Variants in VPS13B observed in about 807,000 individuals in gnomAD.
VPS13B encodes the protein vacuolar protein sorting 13 homolog B.
VPS13B carries 285 observed loss-of-function variants against 426.4 expected under a neutral mutation model. That is an observed-to-expected ratio of 0.67 (90% CI 0.61 to 0.74). The LOEUF (loss-of-function observed/expected upper bound fraction) is 0.74, where lower values mean the gene tolerates loss of function less well. Among genes scored for constraint, VPS13B ranks in the 30% least tolerant of loss-of-function variants. The pLI is 0.00. For missense variants in VPS13B, 4,537 were observed against 4,782.6 expected (o/e 0.95, Z 1.51); for synonymous variants, 1,676 against 1,676.4 (o/e 1.00, Z 0.01).
At chr8:99,691,019 G>C (rs1831630392) in intron 35 of VPS13B, among the ~76,000 whole-genome samples, 1 of 152,122 alleles carries the variant, frequency 6.6e-6, no homozygotes, top group Non-Finnish European at 1.5e-5. Flanking sequence ...TTGTAATACT[G>C]TTCAGCCACA....
intron 21 of VPS13B, among the ~76,000 whole-genome samples, chr8:99,428,289 G>A (rs553901672): frequency 6.6e-6 from 1 of 152,128 alleles, no homozygotes; most frequent in African/African-American, 2.4e-5. Context: ...TGACAAATGG[G>A]ATCTAATTAA....
chr8:99,181,896 A>G (rs1812964843), intron 16 of VPS13B, among the ~76,000 whole-genome samples: 1 of 152,154 alleles, frequency 6.6e-6, no homozygotes, highest in African/African-American at 2.4e-5. Context: ...AACATCTGAA[A>G]AAATTATTGT....
intron 34 of VPS13B, among the ~76,000 whole-genome samples, chr8:99,660,814 C>T (rs1830192738): frequency 6.6e-6 from 1 of 151,894 alleles, no homozygotes; most frequent in South Asian, 2.1e-4. Flanking sequence ...AAGAGACTGA[C>T]CAATTTTATC....
intron 31 of VPS13B, among the ~76,000 whole-genome samples, chr8:99,575,164 T>A (rs1169953952): frequency 1.3e-5 from 2 of 151,718 alleles, no homozygotes; most frequent in African/African-American, 4.8e-5. Context: ...AGACCTTGTC[T>A]TAAAAAAAAA....
chr8:99,504,880 C>T (rs980556413), intron 27 of VPS13B, among the ~76,000 whole-genome samples: 3 of 152,172 alleles, frequency 2.0e-5, no homozygotes, highest in African/African-American at 7.2e-5. Flanking sequence ...CATCTTCTTC[C>T]AAGAGAAGGC....
chr8:99,559,781 C>A (rs1203087519), intron 31 of VPS13B, among the ~76,000 whole-genome samples: 1 of 152,126 alleles, frequency 6.6e-6, no homozygotes, highest in Non-Finnish European at 1.5e-5. Context: ...TGTTTTGGTA[C>A]CAGTACCATG....
rs527783853 is a variant in VPS13B, at chr8:99,162,186, T to C, written c.2208+5443T>C. Among the ~76,000 whole-genome samples the C allele has an allele frequency of 7.2e-5, 11 of 152,292 alleles. No homozygotes were observed. The South Asian group carries it at 1.9e-3, about 26-fold the overall frequency. On this transcript the variant is annotated intron_variant, in intron 15 of 61. Coordinates refer to ENST00000357162, the MANE Select transcript of VPS13B (RefSeq NM_152564.5). ...ATACGGCTATTGTGATGTGACTCCA[T>C]TTACCAGTTTGCTATAAAGTTTATA...
intron 36 of VPS13B, among the ~76,000 whole-genome samples, chr8:99,704,335 C>T (rs546921019): frequency 4.6e-5 from 7 of 152,134 alleles, no homozygotes. Flanking sequence ...AAAAGTGAAA[C>T]CAGGTCATTA....
intron 44 of VPS13B, among the ~76,000 whole-genome samples, chr8:99,813,142 C>T (rs1488581349): frequency 6.6e-6 from 1 of 152,228 alleles, no homozygotes; most frequent in Non-Finnish European, 1.5e-5. Context: ...AAGCACACTA[C>T]TCCACTGAGT....
intron 12 of VPS13B, among the ~76,000 whole-genome samples, chr8:99,137,334 A>G (rs754342813): frequency 6.6e-6 from 1 of 151,938 alleles, no homozygotes; most frequent in Non-Finnish European, 1.5e-5. Flanking sequence ...AAATAGGTTC[A>G]CAGTTTTTTT....
chr8:99,238,144 A>G (rs1816737573), intron 17 of VPS13B, among the ~76,000 whole-genome samples: 1 of 152,144 alleles, frequency 6.6e-6, no homozygotes, highest in Non-Finnish European at 1.5e-5. Context: ...AGACCAGGAT[A>G]GGGGTCCCTT....
At chr8:99,454,525 C>A (rs899253583) in intron 23 of VPS13B, among the ~76,000 whole-genome samples, 3 of 152,096 alleles carry the variant, frequency 2.0e-5, no homozygotes, top group Non-Finnish European at 2.9e-5. Context: ...TAGAGTTTAT[C>A]CATTCATGTG....
At position 99,486,350 on chromosome 8, in the gene VPS13B, T is replaced by C. The variant is rs184845016; in HGVS notation, c.3870+4548T>C. On this transcript the variant is annotated intron_variant, in intron 25 of 61. Transcript: ENST00000357162. ...AAGCGATTCTCCTGCCTCAGCCTCC[T>C]GAGTAGCTGGGATTACAGGCGCCTG... is the stretch of plus-strand genomic sequence containing the variant. Among the ~76,000 whole-genome samples the C allele has an allele frequency of 4.8e-3, 724 of 152,080 alleles. 4 individuals carry two copies. The highest frequency in any genetic ancestry group is 0.014 in the African/African-American group (597 of 41,492).
At chr8:99,360,769 T>C (rs1484992037) in intron 19 of VPS13B, among the ~76,000 whole-genome samples, 1 of 152,172 alleles carries the variant, frequency 6.6e-6, no homozygotes, top group East Asian at 1.9e-4. Context: ...CTGACAGAAG[T>C]AAGGGAATTA....
intron 16 of VPS13B, among the ~76,000 whole-genome samples, chr8:99,181,377 T>G (rs1435726732): frequency 6.6e-6 from 1 of 152,182 alleles, no homozygotes; most frequent in African/African-American, 2.4e-5. Context: ...GATGGTGTTA[T>G]GTGAGTGGTA....
At chr8:99,524,999 T>A (rs1001311764) in intron 30 of VPS13B, among the ~76,000 whole-genome samples, 7 of 152,180 alleles carry the variant, frequency 4.6e-5, no homozygotes. Context: ...GCTAAAGGAT[T>A]TCATCAACAT....
chr8:99,093,696 A>G (rs1313353030), intron 3 of VPS13B, among the ~76,000 whole-genome samples: 3 of 152,100 alleles, frequency 2.0e-5, no homozygotes, highest in Non-Finnish European at 4.4e-5. Flanking sequence ...ATGTCCCTAC[A>G]AAGGACATGA....
chr8:99,445,688 T>C (rs910682364), intron 23 of VPS13B, among the ~76,000 whole-genome samples: 4 of 152,054 alleles, frequency 2.6e-5, no homozygotes. Context: ...TTAAGATGCA[T>C]ATTTAATTTA....
intron 33 of VPS13B, among the ~76,000 whole-genome samples, chr8:99,584,738 G>C (rs1471257922): frequency 6.6e-6 from 1 of 152,168 alleles, no homozygotes; most frequent in African/African-American, 2.4e-5. Context: ...TAGCTTCATG[G>C]AGAAGTGGAA....
Sources: allele counts gnomAD v4.1 joint callset (sites outside exome capture counted in the v4.1 genomes callset), GRCh38; gene constraint gnomAD v4.1.1; transcripts MANE v1.5; gene names NCBI Gene and HGNC (gene_info 2026-07-23, HGNC 2026-07-21).